SLC26A7: variants seen among roughly 807,000 people sequenced by gnomAD.
SLC26A7 encodes the protein solute carrier family 26 member 7.
Under a neutral mutation model 82.5 loss-of-function variants are expected in SLC26A7, and 59 were observed. That is an observed-to-expected ratio of 0.72 (90% confidence interval 0.58 to 0.89). The LOEUF is 0.89. Ranked by LOEUF, SLC26A7 falls within the 40% of genes least tolerant of loss-of-function variation. The probability of loss-of-function intolerance (pLI) is 0.00; values close to 1 mark genes in which losing one functional copy is unlikely to be tolerated. For missense variants in SLC26A7, 820 were observed against 793.0 expected (o/e 1.03, Z -0.41); for synonymous variants, 271 against 274.3 (o/e 0.99, Z 0.12).
intron 2 of SLC26A7, among the ~76,000 whole-genome samples, chr8:91,258,822 C>G (rs1810878988): frequency 6.6e-6 from 1 of 152,084 alleles, no homozygotes; most frequent in Non-Finnish European, 1.5e-5. Flanking sequence ...ATTTACCCTG[C>G]TAGTTAGGAT....
At chr8:91,357,533 G>A (rs1813905648) in intron 11 of SLC26A7, among the ~76,000 whole-genome samples, 1 of 152,082 alleles carries the variant, frequency 6.6e-6, no homozygotes, top group African/African-American at 2.4e-5. Context: ...TTAACAAATG[G>A]TGCTGGGAAA....
At chr8:91,304,577 A>G (rs1812252514) in intron 4 of SLC26A7, among the ~76,000 whole-genome samples, 1 of 152,172 alleles carries the variant, frequency 6.6e-6, no homozygotes, top group Admixed American at 6.5e-5. Flanking sequence ...CTTTATAGCA[A>G]TGTGAGAACA....
chr8:91,279,355 T>G (rs935498657), intron 2 of SLC26A7, among the ~76,000 whole-genome samples: 16 of 151,628 alleles, frequency 1.1e-4, no homozygotes, highest in Non-Finnish European at 1.5e-5. Flanking sequence ...TATGTTTAAT[T>G]TTTTGGGGAA....
At chr8:91,345,457 TACA>T (rs761906519) in intron 9 of SLC26A7, among the ~76,000 whole-genome samples, 11 of 152,186 alleles carry the variant, frequency 7.2e-5, no homozygotes, top group South Asian at 6.2e-4. Flanking sequence ...GTAGAATTAT[TACA>T]ACAACTAAAG....
intron 2 of SLC26A7, among the ~76,000 whole-genome samples, chr8:91,255,508 C>G (rs894293633): frequency 4.6e-5 from 7 of 152,118 alleles, no homozygotes; most frequent in Non-Finnish European, 8.8e-5. Flanking sequence ...ACTTAGCTCC[C>G]TTAATCACTG....
At chr8:91,323,517 G>A (rs1019822226) in intron 5 of SLC26A7, among the ~76,000 whole-genome samples, 1 of 152,150 alleles carries the variant, frequency 6.6e-6, no homozygotes, top group African/African-American at 2.4e-5. Context: ...ACCTTGGAAT[G>A]CTTGGTTGTA....
chr8:91,239,762 T>C (rs1409427960), intron 2 of SLC26A7, among the ~76,000 whole-genome samples: 1 of 152,170 alleles, frequency 6.6e-6, no homozygotes, highest in Non-Finnish European at 1.5e-5. Context: ...TGGATTTGAG[T>C]TGTTTTTCAA....
intron 13 of SLC26A7, among the ~76,000 whole-genome samples, chr8:91,365,951 C>T (rs186230911): frequency 5.9e-4 from 90 of 152,252 alleles, no homozygotes; most frequent in African/African-American, 1.5e-3. Context: ...CACCAAGTGA[C>T]GGGAAAATGG....
chr8:91,380,316 T>C (rs1814634164), intron 15 of SLC26A7, among the ~76,000 whole-genome samples: 1 of 152,164 alleles, frequency 6.6e-6, no homozygotes, highest in Admixed American at 6.5e-5. Context: ...GGTATCTTAG[T>C]AATGGTACCC....
intron 2 of SLC26A7, among the ~76,000 whole-genome samples, chr8:91,259,195 A>G (rs970449332): frequency 2.0e-5 from 3 of 152,128 alleles, no homozygotes; most frequent in Non-Finnish European, 1.5e-5. Flanking sequence ...TTTCATTCAA[A>G]TATAGTCATC....
At chr8:91,223,698 T>A (rs1480242815) in intron 2 of SLC26A7, among the ~76,000 whole-genome samples, 2 of 152,150 alleles carry the variant, frequency 1.3e-5, no homozygotes, top group African/African-American at 4.8e-5. Flanking sequence ...TTCTCTGTAT[T>A]TGCTGAATTT....
intron 2 of SLC26A7, among the ~76,000 whole-genome samples, chr8:91,239,495 C>CAT (rs1406416914): frequency 6.8e-6 from 1 of 147,988 alleles, no homozygotes; most frequent in South Asian, 2.1e-4. Context: ...TGTATGTGTA[C>CAT]ATATATATAC....
intron 2 of SLC26A7, among the ~76,000 whole-genome samples, chr8:91,220,199 C>G (rs1022494430): frequency 6.6e-6 from 1 of 151,864 alleles, no homozygotes; most frequent in African/African-American, 2.4e-5. Context: ...CTCCATTAAC[C>G]AAGAATGCAT....
chr8:91,269,617 A>ATT (rs1413408824), intron 2 of SLC26A7, among the ~76,000 whole-genome samples: 1 of 152,042 alleles, frequency 6.6e-6, no homozygotes, highest in East Asian at 1.9e-4. Context: ...TTTGGATTGA[A>ATT]TTTTATTGGT....
upstream of SLC26A7, among the ~76,000 whole-genome samples, chr8:91,248,243 G>A (rs1282592647): frequency 6.6e-6 from 1 of 152,004 alleles, no homozygotes; most frequent in African/African-American, 2.4e-5. Context: ...CCACCCCGCT[G>A]CGTCTCTTCG....
At chr8:91,383,027 AG>A (rs1039821219) in intron 15 of SLC26A7, among the ~76,000 whole-genome samples, 2 of 152,124 alleles carry the variant, frequency 1.3e-5, no homozygotes, top group African/African-American at 4.8e-5. Context: ...TATACATGAA[AG>A]GGGATACTTA....
intron 2 of SLC26A7, among the ~76,000 whole-genome samples, chr8:91,279,555 G>GTATTT (rs1405980451): frequency 3.3e-5 from 5 of 152,032 alleles, no homozygotes; most frequent in South Asian, 4.2e-4. Context: ...GTGTTGTTGT[G>GTATTT]TATTTTATTT....
At position 91,343,411 on chromosome 8, in the gene SLC26A7, G is replaced by A. The variant is rs1813472517; in HGVS notation, c.1085G>A (p.Ser362Asn). The change falls in exon 9 of 19, where the codon AGT becomes AAT. Residue 362 changes from serine to asparagine, a missense_variant. Coordinates refer to ENST00000276609, the MANE Select transcript of SLC26A7 (RefSeq NM_052832.4). ...IVSSFFFCIP[S>N]AAAMGRTAGL... is the part of the protein sequence containing the mutation. ...TCTTCATTTTTCTTCTGCATACCAA[G>A]TGCTGCTGCCATGGGAAGGACGGCT... 5.0e-6 allele frequency: 8 copies of A among 1,613,104 alleles called. No homozygotes were observed. Among genetic ancestry groups the A allele is most frequent in the Non-Finnish European group, 4.2e-6 (5 of 1,179,866 alleles).
intron 5 of SLC26A7, among the ~76,000 whole-genome samples, chr8:91,333,579 C>T (rs1813155547): frequency 6.6e-6 from 1 of 152,066 alleles, no homozygotes; most frequent in African/African-American, 2.4e-5. Flanking sequence ...TGAGAAGGAC[C>T]CACCCCACCA....
Sources: allele counts gnomAD v4.1 joint callset (sites outside exome capture counted in the v4.1 genomes callset), GRCh38; gene constraint gnomAD v4.1.1; transcripts MANE v1.5; gene names NCBI Gene and HGNC (gene_info 2026-07-23, HGNC 2026-07-21).